RALYL: variants seen among roughly 807,000 people sequenced by gnomAD.
RALYL encodes the protein RALY RNA binding protein like, also known as RNA-binding Raly-like protein.
Under a neutral mutation model 35.1 loss-of-function variants are expected in RALYL, and 29 were observed. The ratio of observed to expected loss-of-function variants is 0.83; its 90% CI spans 0.61 to 1.13. The LOEUF is 1.13. RALYL is among the 50% of genes most tolerant of loss of function. RALYL has a pLI of 0.00. For synonymous variants in RALYL, 120 were observed against 127.6 expected, an observed-to-expected ratio of 0.94 and a Z score of 0.40; for missense variants, 359 against 360.4, an observed-to-expected ratio of 1.00 and a Z score of 0.03.
At chr8:84,632,216 G>C (rs903857771) in intron 2 of RALYL, among the ~76,000 whole-genome samples, 1 of 151,870 alleles carries the variant, frequency 6.6e-6, no homozygotes, top group Non-Finnish European at 1.5e-5. Flanking sequence ...GCTTGACTTG[G>C]ACCTCCCAGG....
At chr8:84,372,883 T>G (rs1280517956) in intron 1 of RALYL, among the ~76,000 whole-genome samples, 1 of 128,652 alleles carries the variant, frequency 7.8e-6, no homozygotes, top group Non-Finnish European at 1.6e-5. Flanking sequence ...CATGCCAGCA[T>G]CTGTTTTTTT....
chr8:84,906,877 C>A (rs1167484549), intron 8 of RALYL: 19 of 822,724 alleles, frequency 2.3e-5, no homozygotes, highest in Non-Finnish European at 2.8e-5. Flanking sequence ...GCTGCACTAT[C>A]AGCCTTGCCC....
At chr8:84,390,942 C>T (rs1860537454) in intron 1 of RALYL, among the ~76,000 whole-genome samples, 1 of 152,000 alleles carries the variant, frequency 6.6e-6, no homozygotes, top group Admixed American at 6.6e-5. Context: ...TTCACACGTT[C>T]CTCCAAACTT....
At chr8:84,424,482 G>T (rs1323454325) in intron 1 of RALYL, among the ~76,000 whole-genome samples, 1 of 145,730 alleles carries the variant, frequency 6.9e-6, no homozygotes, top group African/African-American at 2.7e-5. Context: ...CAACTTCTTT[G>T]CCTTCGGTTT....
chr8:84,287,174 G>T (rs965170506), intron 1 of RALYL, among the ~76,000 whole-genome samples: 3 of 152,054 alleles, frequency 2.0e-5, no homozygotes, highest in Non-Finnish European at 4.4e-5. Flanking sequence ...TAGGGGTCAG[G>T]GAGTAGGCCT....
intron 4 of RALYL, among the ~76,000 whole-genome samples, chr8:84,810,797 A>G (rs1825731895): frequency 6.6e-6 from 1 of 152,144 alleles, no homozygotes; most frequent in Admixed American, 6.5e-5. Flanking sequence ...TGTCTGATAT[A>G]AGAATAGTTA....
intron 1 of RALYL, among the ~76,000 whole-genome samples, chr8:84,481,857 G>C (rs532576739): frequency 6.6e-6 from 1 of 152,016 alleles, no homozygotes; most frequent in Non-Finnish European, 1.5e-5. Context: ...TATTCTCAGT[G>C]GTAGAAATGT....
At chr8:84,459,569 G>A (rs1163475721) in intron 1 of RALYL, among the ~76,000 whole-genome samples, 2 of 151,750 alleles carry the variant, frequency 1.3e-5, no homozygotes, top group African/African-American at 2.4e-5. Context: ...ACCAGTATAT[G>A]TCCTTTGCAA....
intron 1 of RALYL, among the ~76,000 whole-genome samples, chr8:84,334,043 C>T (rs1847316651): frequency 1.3e-5 from 2 of 151,980 alleles, no homozygotes; most frequent in African/African-American, 4.8e-5. Flanking sequence ...CATGCTACCA[C>T]ACAGCTAAAT....
rs377544339 is a variant in RALYL, at chr8:84,286,228, G to C, written c.-24+101804G>C. On this transcript the variant is annotated intron_variant, in intron 1 of 8. Transcript: ENST00000521268. ...CAGGCATGAGCCACTGCGCCTGGCC[G>C]AATGTTTTTAATTTACACAACTGAA... Among the ~76,000 whole-genome samples, 113 of 152,154 alleles carry C rather than the reference G, an allele frequency of 7.4e-4. 4 individuals carry two copies. The South Asian group carries it at 0.023, about 30-fold the overall frequency.
chr8:84,746,009 G>A (rs1808521799), intron 2 of RALYL, among the ~76,000 whole-genome samples: 1 of 151,950 alleles, frequency 6.6e-6, no homozygotes, highest in South Asian at 2.1e-4. Flanking sequence ...ATAAAGAATT[G>A]GAGGAAATTC....
chr8:84,386,307 T>A (rs1035211966), intron 1 of RALYL, among the ~76,000 whole-genome samples: 2 of 151,874 alleles, frequency 1.3e-5, no homozygotes, highest in African/African-American at 4.8e-5. Flanking sequence ...GAAATAGATA[T>A]TTTAAAATTC....
intron 3 of RALYL, among the ~76,000 whole-genome samples, chr8:84,778,253 C>T (rs566815353): frequency 6.6e-6 from 1 of 152,304 alleles, no homozygotes; most frequent in South Asian, 2.1e-4. Context: ...TCACGTACAT[C>T]CACTTTATCT....
At chr8:84,705,693 C>G (rs575081014) in intron 2 of RALYL, among the ~76,000 whole-genome samples, 1 of 152,156 alleles carries the variant, frequency 6.6e-6, no homozygotes, top group East Asian at 1.9e-4. Flanking sequence ...GCAATTCTTG[C>G]TAAATATATG....
intron 4 of RALYL, among the ~76,000 whole-genome samples, chr8:84,826,393 G>A (rs1829716590): frequency 6.6e-6 from 1 of 151,114 alleles, no homozygotes. Context: ...TATGTGAAAT[G>A]TTTGCTGGGT....
intron 1 of RALYL, among the ~76,000 whole-genome samples, chr8:84,469,720 A>G (rs919710184): frequency 2.0e-4 from 30 of 152,278 alleles, no homozygotes; most frequent in African/African-American, 2.6e-4. Context: ...GGGCAATGGC[A>G]GGCGCCCCTC....
chr8:84,448,461 A>G (rs375645658), intron 1 of RALYL, among the ~76,000 whole-genome samples: 1 of 152,000 alleles, frequency 6.6e-6, no homozygotes, highest in Admixed American at 6.6e-5. Flanking sequence ...TCTTGCCTCA[A>G]TTGCATTTCT....
intron 2 of RALYL, among the ~76,000 whole-genome samples, chr8:84,634,107 T>C (rs1824510223): frequency 6.6e-6 from 1 of 151,930 alleles, no homozygotes; most frequent in Non-Finnish European, 1.5e-5. Context: ...AACTTTTATA[T>C]TGTTAGATTA....
At chr8:84,462,441 TAAA>T (rs139249087) in intron 1 of RALYL, among the ~76,000 whole-genome samples, 1 of 143,432 alleles carries the variant, frequency 7.0e-6, no homozygotes. Context: ...ACTCTCTTTG[TAAA>T]AAAAAAAAAG....
Sources: allele counts gnomAD v4.1 joint callset (sites outside exome capture counted in the v4.1 genomes callset), GRCh38; gene constraint gnomAD v4.1.1; transcripts MANE v1.5; gene names NCBI Gene and HGNC (gene_info 2026-07-23, HGNC 2026-07-21).